JAK3: variants seen among roughly 807,000 people sequenced by gnomAD.
JAK3 encodes the protein Janus kinase 3.
A neutral mutation model predicts 120.8 loss-of-function variants in JAK3; 88 were observed. The ratio of observed to expected loss-of-function variants is 0.73; its 90% confidence interval spans 0.61 to 0.87. JAK3 has a LOEUF of 0.87. Ranked by LOEUF, JAK3 falls within the 40% of genes least tolerant of loss-of-function variation. The pLI is 0.00. For missense variants in JAK3, 1,254 were observed against 1,501.4 expected (o/e 0.84, Z 2.72); for synonymous variants, 592 against 628.6 (o/e 0.94, Z 0.87).
At position 17,843,315 on chromosome 19, in the gene JAK3, T is replaced by G; in HGVS notation, c.420+65A>C. On this transcript the variant is annotated intron_variant, in intron 4 of 23. Transcript: ENST00000458235. This position sits in a 1 kb window ranked among gnomAD's most constrained non-coding sequence, Gnocchi z 5.4. ...TCAGACGAGGCCCCACCTGATTGCA[T>G]GCCAGTCCTCATGTTGCCCCTTGGA... The G allele has an allele frequency of 6.6e-7, 1 of 1,515,524 alleles. No homozygotes were observed. Among genetic ancestry groups the G allele is most frequent in the Non-Finnish European group, 9.0e-7 (1 of 1,114,698 alleles). 93.9% of individuals were successfully genotyped at this position (1,515,524 alleles called of 1,614,324 possible). A position where few individuals can be genotyped will look rare whatever the true frequency, so the allele number is the denominator to read the frequency against.
At chr19:17,844,537 G>A (rs1043222864) in intron 1 of JAK3, 107 bp from the exon 2 acceptor site, 2 of 970,496 alleles carry the variant, frequency 2.1e-6, no homozygotes, top group African/African-American at 1.6e-5. Context: ...GGTGGCTTAT[G>A]CCTGTAATCA....
chr19:17,841,158 C>T lies in JAK3; in HGVS notation c.1142+231G>A, dbSNP rs1486294995. Among the ~76,000 whole-genome samples the T allele has an allele frequency of 6.6e-6, 1 of 152,058 alleles. No individual in the cohort carries two copies. Among genetic ancestry groups the T allele is most frequent in the Admixed American group, 6.6e-5 (1 of 15,256 alleles). On this transcript the variant is annotated intron_variant, in intron 8 of 23. Transcript: ENST00000458235. The surrounding 1 kb of genome is among the most constrained non-coding windows in gnomAD (Gnocchi z 4.1). ...ACAAGAGGCTGTAGGTGAAGGTGGG[C>T]GACTTGTCCATCTCCAGGAAATGGC...
In JAK3 at chr19:17,841,840, C is replaced by T; in HGVS notation, c.862-78G>A. On this transcript the variant is annotated intron_variant, in intron 6 of 23. Coordinates refer to ENST00000458235, the MANE Select transcript of JAK3 (RefSeq NM_000215.4). The surrounding 1 kb of genome is among the most constrained non-coding windows in gnomAD (Gnocchi z 4.1). ...CACGCCCATGAACCCACCCCCAAGC[C>T]ACACCATCCACTCCCTATCCCTTTG... 1.3e-6 allele frequency: 2 copies of T among 1,580,690 alleles called. No homozygotes were observed. The highest frequency in any genetic ancestry group is 1.1e-5 in the South Asian group (1 of 90,086).
chr19:17,834,460 C>A, intron 17 of JAK3, 111 bp downstream of exon 17: 1 of 1,211,192 alleles, frequency 8.3e-7, no homozygotes. Context: ...AGTCACCAAC[C>A]CCTCCAACCT....
intron 23 of JAK3, among the ~76,000 whole-genome samples, chr19:17,829,000 T>A (rs949191444): frequency 1.3e-5 from 2 of 149,434 alleles, no homozygotes; most frequent in East Asian, 2.0e-4. Flanking sequence ...TTAAAAAAAT[T>A]TTTTAAAATT....
intron 23 of JAK3, among the ~76,000 whole-genome samples, chr19:17,827,897 C>A (rs2094207042): frequency 8.2e-6 from 1 of 121,818 alleles, no homozygotes; most frequent in African/African-American, 3.2e-5. Flanking sequence ...AGCAAAACCA[C>A]GTCTCAAAAA....
At position 17,825,873 on chromosome 19, in the gene JAK3, C is replaced by G. The variant is rs2094203012; in HGVS notation, c.*870G>C. ...CCTAGATTGCGCCACTGTACTCCAG[C>G]CTGGGCGACAGAGCGAGACTCCGTC... On this transcript the variant is annotated 3_prime_UTR_variant, in exon 24 of 24. Transcript: ENST00000458235. 1 of 141,538 alleles carries G rather than the reference C, an allele frequency of 7.1e-6. No homozygotes were observed. Among genetic ancestry groups the G allele is most frequent in the Non-Finnish European group, 1.5e-5 (1 of 66,990 alleles). 8.8% of individuals were successfully genotyped at this position (141,538 alleles called of 1,614,324 possible).
chr19:17,836,438 AC>A (rs1349851838), intron 13 of JAK3, among the ~76,000 whole-genome samples: 1 of 151,962 alleles, frequency 6.6e-6, no homozygotes, highest in African/African-American at 2.4e-5. Flanking sequence ...GCATGCCACC[AC>A]ACCCGGCTGA....
rs1240102694 is a variant in JAK3 at position 17,831,148 on chromosome 19, C to A, written c.2978+80G>T. 1 of 1,274,182 alleles carries A rather than the reference C, an allele frequency of 7.8e-7. No homozygotes were observed. Among genetic ancestry groups the A allele is most frequent in the Non-Finnish European group, 1.0e-6 (1 of 976,450 alleles). The allele number at this position is 1,274,182 out of a possible 1,614,324, so 78.9% of individuals were successfully genotyped here. ...GGGCTAAGGCTGGGGAGCAAAGCAG[C>A]GGGAGGGGGCGGGGGCATGGCTGGG... On this transcript the variant is annotated intron_variant, in intron 21 of 23. Coordinates refer to ENST00000458235, the MANE Select transcript of JAK3 (RefSeq NM_000215.4). This position sits in a 1 kb window ranked among gnomAD's most constrained non-coding sequence, Gnocchi z 5.1.
At chr19:17,834,760 T>C (rs780986556) in intron 16 of JAK3, 39 bp from the exon 17 acceptor site, 26 of 1,609,426 alleles carry the variant, frequency 1.6e-5, no homozygotes, top group East Asian at 1.3e-4. Flanking sequence ...CCCAACCCAA[T>C]AGACCCACCC....
At chr19:17,830,472 G>A (rs200626025) in intron 22 of JAK3, 31 bp downstream of exon 22, 12 of 1,564,274 alleles carry the variant, frequency 7.7e-6, no homozygotes, top group Non-Finnish European at 1.1e-5. Flanking sequence ...GGAGGGAGAA[G>A]AAGGCTGGGG....
intron 13 of JAK3, among the ~76,000 whole-genome samples, 180 bp from the exon 14 acceptor site, chr19:17,836,231 C>T (rs567654292): frequency 1.3e-5 from 2 of 152,260 alleles, no homozygotes; most frequent in Admixed American, 6.5e-5. Context: ...GAATGATTTG[C>T]CTGGAATGCC....
In JAK3 at chr19:17,832,934, G is replaced by A; in HGVS notation, c.2351-5C>T. ...GGTCTGAGAGGAGCTCATAGTCTGG[G>A]GTGGGGGCATGGGCAGTGGTAAGCA... On this transcript the variant is annotated splice_polypyrimidine_tract_variant and splice_region_variant and intron_variant, in intron 17 of 23. Transcript: ENST00000458235. This position sits in a 1 kb window ranked among gnomAD's most constrained non-coding sequence, Gnocchi z 4.7. The A allele has an allele frequency of 6.2e-7, 1 of 1,612,422 alleles. No homozygotes were observed. The highest frequency in any genetic ancestry group is 8.5e-7 in the Non-Finnish European group (1 of 1,179,402).
chr19:17,841,562 G>C lies in JAK3; in HGVS notation c.985-16C>G. On this transcript the variant is annotated splice_polypyrimidine_tract_variant and intron_variant, in intron 7 of 23. Transcript: ENST00000458235. This position sits in a 1 kb window ranked among gnomAD's most constrained non-coding sequence, Gnocchi z 4.1. ...ACTCGGCCTCCTGCGAGGGACAAGC[G>C]TCAGAGCCCAGTGAAACCCGAGGGT... 2.5e-6 allele frequency: 4 copies of C among 1,601,590 alleles called. No individual in the cohort carries two copies. The highest frequency in any genetic ancestry group is 2.6e-6 in the Non-Finnish European group (3 of 1,174,216).
intron 1 of JAK3, among the ~76,000 whole-genome samples, chr19:17,845,361 G>T (rs1412578282): frequency 6.6e-6 from 1 of 152,030 alleles, no homozygotes; most frequent in African/African-American, 2.4e-5. Context: ...GTAGAGATGG[G>T]GTTTCACTGA....
chr19:17,838,940 T>G (rs911948606), intron 10 of JAK3, among the ~76,000 whole-genome samples: 1 of 152,062 alleles, frequency 6.6e-6, no homozygotes, highest in African/African-American at 2.4e-5. Context: ...GGTCTCAAAC[T>G]CCTGACCTCA....
intron 1 of JAK3, among the ~76,000 whole-genome samples, chr19:17,844,963 CA>C (rs1324014172): frequency 2.0e-5 from 3 of 152,020 alleles, no homozygotes; most frequent in East Asian, 1.9e-4. Flanking sequence ...TGGGTGGGGC[CA>C]GGGGTGGGGC....
chr19:17,846,071 G>T (rs189298775), intron 1 of JAK3, among the ~76,000 whole-genome samples: 1 of 152,134 alleles, frequency 6.6e-6, no homozygotes, highest in East Asian at 1.9e-4. Context: ...TCCTGCCTCG[G>T]ACTCCCAAAG....
intron 9 of JAK3, 42 bp from the exon 10 acceptor site, chr19:17,839,705 C>A: frequency 6.8e-6 from 9 of 1,315,334 alleles, no homozygotes; most frequent in Non-Finnish European, 9.8e-6. Flanking sequence ...GAGCGACAGA[C>A]ACTCTCCTTC....
Sources: gnomAD v4.1 joint callset for allele counts (sites outside exome capture counted in the v4.1 genomes callset) on GRCh38, gnomAD v4.1.1 for gene constraint, Gnocchi (gnomAD v3.1) non-coding constraint, MANE v1.5 for transcripts, NCBI Gene and HGNC (gene_info 2026-07-23, HGNC 2026-07-21) for gene names.